CFAP47: variants seen among roughly 807,000 people sequenced by gnomAD.
CFAP47 encodes the protein cilia- and flagella-associated protein 47.
In CFAP47, 29 loss-of-function variants were observed where a neutral mutation model predicts 148.1. The observed-to-expected ratio is 0.20, with a 90% CI of 0.15 to 0.27. CFAP47 has a LOEUF of 0.27. CFAP47 is among the 10% of genes least tolerant of loss of function. The probability of loss-of-function intolerance (pLI) is 1.00; values close to 1 mark genes in which losing one functional copy is unlikely to be tolerated. For synonymous variants in CFAP47, 664 were observed against 577.3 expected (o/e 1.15, Z -2.15); for missense variants, 1,872 against 1,697.5 (o/e 1.10, Z -1.81).
intron 15 of CFAP47, among the ~76,000 whole-genome samples, chrX:35,976,195 G>A (rs1323187367): frequency 9.0e-6 from 1 of 110,615 alleles, no homozygotes; most frequent in Non-Finnish European, 1.9e-5. Flanking sequence ...CTGGCTCACA[G>A]GTTGTGTGGT....
chrX:36,067,702 T>G (rs368119898), intron 27 of CFAP47, among the ~76,000 whole-genome samples: 153 of 103,460 alleles, frequency 1.5e-3, no homozygotes, highest in African/African-American at 5.3e-3. Context: ...TCGCTCTGTC[T>G]CCTAGGCTGG....
At chrX:36,085,750 T>A (rs973703471) in intron 30 of CFAP47, among the ~76,000 whole-genome samples, 1 of 109,176 alleles carries the variant, frequency 9.2e-6, no homozygotes, top group African/African-American at 3.3e-5. Flanking sequence ...GAAAAATATA[T>A]AATGCTTAAT....
chrX:36,207,668 AG>A (rs1469151548), intron 45 of CFAP47, among the ~76,000 whole-genome samples: 1 of 111,247 alleles, frequency 9.0e-6, no homozygotes, highest in African/African-American at 3.3e-5. Context: ...CTCTTTTGGA[AG>A]GCCCCTCCCG....
intron 51 of CFAP47, among the ~76,000 whole-genome samples, chrX:36,296,919 T>C (rs1157750871): frequency 1.8e-5 from 2 of 112,004 alleles, no homozygotes; most frequent in East Asian, 5.6e-4. Flanking sequence ...AGGAAATTAG[T>C]CACTGTTCAG....
intron 2 of CFAP47, among the ~76,000 whole-genome samples, chrX:35,930,684 A>C (rs2045140885): frequency 9.0e-6 from 1 of 111,353 alleles, no homozygotes; most frequent in South Asian, 3.7e-4. Context: ...TCTCATTTCC[A>C]TGGAATTCTT....
intron 1 of CFAP47, 62 bp downstream of exon 1, chrX:35,920,110 C>G: frequency 5.4e-6 from 6 of 1,103,235 alleles, no homozygotes; most frequent in Non-Finnish European, 7.2e-6. Flanking sequence ...CACTGCGTCT[C>G]TCTTTGCCCC....
chrX:36,172,323 T>C (rs1310178228), intron 39 of CFAP47, among the ~76,000 whole-genome samples: 1 of 106,671 alleles, frequency 9.4e-6, no homozygotes, highest in Non-Finnish European at 1.9e-5. Flanking sequence ...TGGCCAGAAC[T>C]TCCAACACTA....
At chrX:36,371,786 A>G (rs782501563) in intron 62 of CFAP47, among the ~76,000 whole-genome samples, 2 of 53,415 alleles carry the variant, frequency 3.7e-5, no homozygotes, top group African/African-American at 2.0e-4. Context: ...ATGTGTATAT[A>G]TGTGTGTATA....
chrX:35,989,255 T>G, intron 15 of CFAP47, 64 bp from the exon 16 acceptor site: 1 of 874,223 alleles, frequency 1.1e-6, no homozygotes, highest in South Asian at 2.3e-5. Flanking sequence ...ATTTTGGATA[T>G]TAACAAAAAG....
At chrX:36,246,998 A>G (rs782355236) in intron 48 of CFAP47, among the ~76,000 whole-genome samples, 5 of 111,481 alleles carry the variant, frequency 4.5e-5, no homozygotes, top group Non-Finnish European at 7.5e-5. Context: ...AGTACTATTC[A>G]CAGTAGCAAA....
Position 36,071,211 on chromosome X carries a change from T to C in CFAP47, c.4319-614T>C, listed in dbSNP as rs923283721. 9.8e-5 allele frequency among the ~76,000 whole-genome samples: 11 copies of C among 112,448 alleles called. No individual in the cohort carries two copies. The Admixed American group carries it at 1.0e-3, about 11-fold the overall frequency. On this transcript the variant is annotated intron_variant, in intron 27 of 63. Transcript: ENST00000378653. The stretch of plus-strand genomic sequence containing the variant: ...CATCAAGACTATGACTATATGTAAA[T>C]TGCATATGTATTTTGAGGCTTGGCC...
intron 33 of CFAP47, among the ~76,000 whole-genome samples, chrX:36,112,850 G>A (rs746884582): frequency 8.9e-6 from 1 of 112,052 alleles, no homozygotes; most frequent in Non-Finnish European, 1.9e-5. Context: ...TTACCATTAT[G>A]TAATGCCCTT....
intron 46 of CFAP47, among the ~76,000 whole-genome samples, chrX:36,235,376 T>C (rs1940443553): frequency 8.9e-6 from 1 of 112,117 alleles, no homozygotes; most frequent in South Asian, 3.7e-4. Context: ...CTCAGACTGT[T>C]GTGCTAGCAA....
At chrX:36,093,795 C>T (rs963735651) in intron 30 of CFAP47, among the ~76,000 whole-genome samples, 1 of 110,981 alleles carries the variant, frequency 9.0e-6, no homozygotes, top group Non-Finnish European at 1.9e-5. Context: ...GTTATCAACC[C>T]TTGACAGATG....
intron 8 of CFAP47, among the ~76,000 whole-genome samples, chrX:35,963,155 G>T (rs1206543980): frequency 9.0e-6 from 1 of 110,623 alleles, no homozygotes; most frequent in African/African-American, 3.3e-5. Context: ...TAGAATTGTG[G>T]TTGCCAGGGG....
chrX:36,270,139 G>A (rs1940941670), intron 49 of CFAP47, among the ~76,000 whole-genome samples: 1 of 111,362 alleles, frequency 9.0e-6, no homozygotes, highest in African/African-American at 3.3e-5. Context: ...ATAAGTCTTT[G>A]TATGGACATA....
chrX:36,088,693 T>C (rs866238712), intron 30 of CFAP47, among the ~76,000 whole-genome samples: 14 of 111,759 alleles, frequency 1.3e-4, no homozygotes, highest in African/African-American at 4.6e-4. Flanking sequence ...GAGCCACTTA[T>C]CCTGTGGTAT....
At chrX:35,933,205 C>T (rs1935857372) in intron 2 of CFAP47, among the ~76,000 whole-genome samples, 1 of 108,946 alleles carries the variant, frequency 9.2e-6, no homozygotes, top group African/African-American at 3.4e-5. Flanking sequence ...TTAACCCTCC[C>T]CCTTCTTCCC....
intron 30 of CFAP47, among the ~76,000 whole-genome samples, chrX:36,090,822 G>A (rs1938171137): frequency 1.1e-5 from 1 of 91,444 alleles, no homozygotes; most frequent in African/African-American, 6.4e-5. Flanking sequence ...TATCTACTCT[G>A]CATAAATGAG....
Sources: allele counts gnomAD v4.1 joint callset (sites outside exome capture counted in the v4.1 genomes callset), GRCh38; gene constraint gnomAD v4.1.1; transcripts MANE v1.5; gene names NCBI Gene and HGNC (gene_info 2026-07-23, HGNC 2026-07-21).